The following TENM1 variants were observed in gnomAD, a reference collection of about 807,000 sequenced individuals.
TENM1 encodes the protein teneurin transmembrane protein 1, also known as teneurin-1.
In TENM1, 35 loss-of-function variants were observed where a neutral mutation model predicts 174.8. That is an observed-to-expected ratio of 0.20 (90% CI 0.15 to 0.27). The LOEUF is 0.27. TENM1 is among the 10% of genes least tolerant of loss of function. The pLI is 1.00. For missense variants in TENM1, 1,633 were observed against 2,130.1 expected, an observed-to-expected ratio of 0.77 and a Z score of 4.59; for synonymous variants, 781 against 798.7, an observed-to-expected ratio of 0.98 and a Z score of 0.37.
At chrX:125,005,615 A>G in the TENM1 span, among the ~76,000 whole-genome samples, 1 of 110,929 alleles carries the variant, frequency 9.0e-6, no homozygotes, top group African/African-American at 3.3e-5. Context: ...GAATGGAAAC[A>G]GCTCCAGCAG....
exon 32 of TENM1, chrX:124,380,649 G>T (rs369803028): frequency 2.5e-6 from 3 of 1,211,103 alleles, no homozygotes; most frequent in Admixed American, 4.3e-5. Context: ...CCTTGTACCC[G>T]CCCAGTGCTC....
the TENM1 span, among the ~76,000 whole-genome samples, chrX:124,978,264 G>GT: frequency 4.5e-5 from 5 of 111,009 alleles, no homozygotes; most frequent in African/African-American, 1.6e-4. Flanking sequence ...TTTATTGATG[G>GT]TTTATTTTAC....
At chrX:125,163,063 T>C in the TENM1 span, among the ~76,000 whole-genome samples, 1,603 of 111,466 alleles carry the variant, frequency 0.014, 35 homozygotes, top group African/African-American at 0.05. Context: ...AGGCTAACAT[T>C]AACTTTCTCC....
chrX:124,723,538 A>G (rs1192787253), intron 4 of TENM1, among the ~76,000 whole-genome samples: 4 of 109,335 alleles, frequency 3.7e-5, no homozygotes, highest in African/African-American at 1.3e-4. Flanking sequence ...TACCTATGAA[A>G]GTCTTAATTA....
At chrX:125,101,746 G>C in the TENM1 span, among the ~76,000 whole-genome samples, 1 of 112,183 alleles carries the variant, frequency 8.9e-6, no homozygotes, top group Non-Finnish European at 1.9e-5. Flanking sequence ...AGAAAGGGAA[G>C]AGCAGCAAAG....
chrX:124,769,705 C>G (rs903273034), intron 3 of TENM1, among the ~76,000 whole-genome samples: 2 of 112,122 alleles, frequency 1.8e-5, no homozygotes, highest in African/African-American at 6.5e-5. Flanking sequence ...GACAGAAATT[C>G]TTTTTGGAAA....
At chrX:124,676,529 C>T (rs1337557510) in intron 5 of TENM1, among the ~76,000 whole-genome samples, 1 of 105,097 alleles carries the variant, frequency 9.5e-6, no homozygotes, top group Non-Finnish European at 2.0e-5. Flanking sequence ...CAATTATTCT[C>T]CTTCCTTTTC....
chrX:125,123,268 T>G, the TENM1 span, among the ~76,000 whole-genome samples: 21 of 110,117 alleles, frequency 1.9e-4, 1 homozygote, highest in Middle Eastern at 0.019. Context: ...ATAAATAAGG[T>G]TGTGAAAAAT....
intron 1 of TENM1, among the ~76,000 whole-genome samples, chrX:124,913,656 C>A (rs1193360012): frequency 9.0e-6 from 1 of 111,500 alleles, no homozygotes; most frequent in Non-Finnish European, 1.9e-5. Context: ...AAACCAGAGG[C>A]CAACCTCCAG....
intron 11 of TENM1, among the ~76,000 whole-genome samples, chrX:124,603,196 A>C (rs927556441): frequency 9.0e-6 from 1 of 111,304 alleles, no homozygotes; most frequent in African/African-American, 3.3e-5. Flanking sequence ...AGAGAGAATA[A>C]ATTTCAGTTG....
intron 3 of TENM1, among the ~76,000 whole-genome samples, chrX:124,833,050 T>C (rs2056322857): frequency 8.9e-6 from 1 of 112,047 alleles, no homozygotes; most frequent in Non-Finnish European, 1.9e-5. Flanking sequence ...GAAGGTTCAA[T>C]GGAAATTATG....
chrX:124,636,850 C>T (rs750014716), intron 11 of TENM1, among the ~76,000 whole-genome samples: 2 of 111,903 alleles, frequency 1.8e-5, no homozygotes, highest in Non-Finnish European at 3.8e-5. Context: ...AGACTGCAAG[C>T]TCCATTAGTG....
chrX:124,822,795 C>T (rs752395331), intron 3 of TENM1, among the ~76,000 whole-genome samples: 2 of 111,713 alleles, frequency 1.8e-5, no homozygotes, highest in Non-Finnish European at 3.8e-5. Context: ...AGTGTTGCAG[C>T]TGAATAAGCC....
chrX:125,021,140 T>C, the TENM1 span, among the ~76,000 whole-genome samples: 6 of 111,322 alleles, frequency 5.4e-5, no homozygotes, highest in South Asian at 2.3e-3. Context: ...TTTTATGGTC[T>C]TGTCAAATTA....
At chrX:124,422,141 C>T in intron 24 of TENM1, 131 bp downstream of exon 27, 1 of 851,411 alleles carries the variant, frequency 1.2e-6, no homozygotes, top group Non-Finnish European at 1.6e-6. Context: ...TAATCCATCG[C>T]TTTCTCCACT....
At chrX:124,471,276 A>AT (rs2061309583) in intron 22 of TENM1, among the ~76,000 whole-genome samples, 2 of 45,060 alleles carry the variant, frequency 4.4e-5, no homozygotes, top group Admixed American at 7.8e-4. Flanking sequence ...ATAGTACTAT[A>AT]TATAATATAT....
chrX:124,856,904 A>G (rs1021020690), intron 3 of TENM1, among the ~76,000 whole-genome samples: 1 of 111,488 alleles, frequency 9.0e-6, no homozygotes, highest in Non-Finnish European at 1.9e-5. Context: ...GATAGGGTAG[A>G]ATAGAACAGA....
chrX:125,053,313 T>C, the TENM1 span, among the ~76,000 whole-genome samples: 2 of 111,661 alleles, frequency 1.8e-5, no homozygotes, highest in Admixed American at 9.5e-5. Flanking sequence ...CTAGGTGTAT[T>C]TGAATCCCAT....
chrX:124,863,945 G>A (rs1269934985), intron 3 of TENM1, among the ~76,000 whole-genome samples: 2 of 112,390 alleles, frequency 1.8e-5, no homozygotes, highest in Non-Finnish European at 3.8e-5. Flanking sequence ...TAAGGGAACA[G>A]AACAAGAATC....
Sources: gnomAD v4.1 joint callset for allele counts (sites outside exome capture counted in the v4.1 genomes callset) on GRCh38, gnomAD v4.1.1 for gene constraint, MANE v1.5 for transcripts, NCBI Gene and HGNC (gene_info 2026-07-23, HGNC 2026-07-21) for gene names.